The following RANBP2 variants were observed in gnomAD, a reference collection of about 807,000 sequenced individuals.
The protein encoded by RANBP2 is E3 SUMO-protein ligase RanBP2.
In RANBP2, 57 loss-of-function variants were observed where a neutral mutation model predicts 303.6. That is an observed-to-expected ratio of 0.19 (90% CI 0.15 to 0.23). The LOEUF is 0.23. Ranked by LOEUF, RANBP2 falls within the 10% of genes least tolerant of loss-of-function variation. The pLI is 1.00. For synonymous variants in RANBP2, 1,167 were observed against 1,301.5 expected (o/e 0.90, Z 2.23); for missense variants, 3,138 against 3,780.8 (o/e 0.83, Z 4.46).
chr2:108,761,980 T>G lies in RANBP2; in HGVS notation c.2603-121T>G, dbSNP rs1676762512. ...ATTTTGATGTACAGAAATTTAAAAT[T>G]TATGTAGTTAAATCTTTCTTTAATT... On this transcript the variant is annotated intron_variant, in intron 18 of 28. Coordinates refer to ENST00000283195, the MANE Select transcript of RANBP2 (RefSeq NM_006267.5). The G allele has an allele frequency of 5.5e-6, 7 of 1,277,428 alleles. No homozygotes were observed. In the East Asian group the frequency reaches 1.2e-4, roughly 23 times the overall value. 79.1% of individuals were successfully genotyped at this position (1,277,428 alleles called of 1,614,324 possible). A position where few individuals can be genotyped will look rare whatever the true frequency, so the allele number is the denominator to read the frequency against.
chr2:108,992,802 G>A, the RANBP2 span, among the ~76,000 whole-genome samples: 5 of 152,326 alleles, frequency 3.3e-5, no homozygotes, highest in East Asian at 3.9e-4. Context: ...ACTGTTTTCT[G>A]GAAGAACGTT....
chr2:109,049,755 G>A, the RANBP2 span, among the ~76,000 whole-genome samples: 2 of 152,206 alleles, frequency 1.3e-5, no homozygotes, highest in Non-Finnish European at 2.9e-5. Flanking sequence ...GAAACATGGG[G>A]ATTTATGGAG....
the RANBP2 span, among the ~76,000 whole-genome samples, chr2:109,405,192 G>A: frequency 6.6e-6 from 1 of 152,106 alleles, no homozygotes; most frequent in South Asian, 2.1e-4. Flanking sequence ...CTGGCTTCCT[G>A]GAGAGACGCC....
At chr2:109,591,038 C>T in the RANBP2 span, among the ~76,000 whole-genome samples, 9 of 152,168 alleles carry the variant, frequency 5.9e-5, no homozygotes, top group African/African-American at 2.2e-4. Context: ...CGTTTTAAGC[C>T]GCTAAATTTG....
the RANBP2 span, among the ~76,000 whole-genome samples, chr2:108,986,120 C>T: frequency 1.3e-5 from 2 of 152,056 alleles, no homozygotes; most frequent in African/African-American, 4.8e-5. Context: ...GTCTCAGGGG[C>T]CAGTGGGCTG....
At chr2:109,232,192 C>T in the RANBP2 span, among the ~76,000 whole-genome samples, 3 of 152,200 alleles carry the variant, frequency 2.0e-5, no homozygotes, top group Admixed American at 2.0e-4. Flanking sequence ...TAAGGAACTT[C>T]CAGGCTATTT....
the RANBP2 span, among the ~76,000 whole-genome samples, chr2:108,814,726 T>A: frequency 4.6e-5 from 7 of 151,384 alleles, no homozygotes; most frequent in Non-Finnish European, 1.0e-4. Context: ...TGGAGTGCAG[T>A]GGTGCAACCT....
the RANBP2 span, among the ~76,000 whole-genome samples, chr2:109,621,537 A>G: frequency 2.6e-5 from 4 of 152,114 alleles, no homozygotes; most frequent in African/African-American, 9.7e-5. Flanking sequence ...TTTGAATATA[A>G]TAGTTTAGAA....
At chr2:109,457,088 C>T in the RANBP2 span, among the ~76,000 whole-genome samples, 68 of 152,296 alleles carry the variant, frequency 4.5e-4, no homozygotes, top group African/African-American at 1.5e-3. Context: ...CCTTCCATGC[C>T]TCAGTTTCCA....
the RANBP2 span, among the ~76,000 whole-genome samples, chr2:109,109,521 C>T: frequency 1.9e-4 from 29 of 152,224 alleles, no homozygotes; most frequent in East Asian, 3.7e-3. Flanking sequence ...ACAGGAAATC[C>T]GAGAACACTA....
the RANBP2 span, among the ~76,000 whole-genome samples, chr2:109,488,122 C>A: frequency 6.6e-6 from 1 of 152,164 alleles, no homozygotes; most frequent in Non-Finnish European, 1.5e-5. Context: ...TGGGCTCCGC[C>A]GGGACACCTG....
the RANBP2 span, among the ~76,000 whole-genome samples, chr2:109,669,962 A>T: frequency 1.4e-5 from 2 of 147,298 alleles, no homozygotes; most frequent in South Asian, 4.3e-4. Flanking sequence ...GCAGCCTCTG[A>T]TAGTGCACCT....
At chr2:109,315,628 C>T in the RANBP2 span, among the ~76,000 whole-genome samples, 1 of 152,212 alleles carries the variant, frequency 6.6e-6, no homozygotes, top group African/African-American at 2.4e-5. Flanking sequence ...ACGTGTGTGT[C>T]CAGAGAAGAG....
At chr2:109,264,886 T>C in the RANBP2 span, among the ~76,000 whole-genome samples, 2 of 152,250 alleles carry the variant, frequency 1.3e-5, no homozygotes, top group Non-Finnish European at 2.9e-5. Context: ...ATCCTTATGT[T>C]TCCCAGACAT....
At chr2:109,720,460 C>T in the RANBP2 span, among the ~76,000 whole-genome samples, 5 of 152,114 alleles carry the variant, frequency 3.3e-5, no homozygotes, top group African/African-American at 1.2e-4. Context: ...CAAATTGAAA[C>T]CAAATCTCTT....
chr2:108,818,244 C>G, the RANBP2 span, among the ~76,000 whole-genome samples: 1 of 152,082 alleles, frequency 6.6e-6, no homozygotes, highest in Admixed American at 6.6e-5. Context: ...GGGGTCGAGG[C>G]TGCAGTGAGC....
the RANBP2 span, chr2:108,794,814 ATTACT>A: frequency 5.1e-6 from 5 of 982,412 alleles, no homozygotes; most frequent in Non-Finnish European, 7.4e-6. Context: ...TTTCATTTTA[ATTACT>A]TTAGATAAGT....
chr2:108,790,608 A>G (rs779560046), downstream of RANBP2, among the ~76,000 whole-genome samples: 1 of 152,224 alleles, frequency 6.6e-6, no homozygotes, highest in Non-Finnish European at 1.5e-5. Flanking sequence ...AGGCTGAGAC[A>G]GGAGAATTGC....
At chr2:108,847,833 A>G in the RANBP2 span, among the ~76,000 whole-genome samples, 1 of 152,232 alleles carries the variant, frequency 6.6e-6, no homozygotes, top group African/African-American at 2.4e-5. Flanking sequence ...ATGAAAAAGT[A>G]AAAAACCATA....
Sources: allele counts gnomAD v4.1 joint callset (sites outside exome capture counted in the v4.1 genomes callset), GRCh38; gene constraint gnomAD v4.1.1; transcripts MANE v1.5; gene names NCBI Gene and HGNC (gene_info 2026-07-23, HGNC 2026-07-21).